Variants in CELSR1 observed in about 807,000 individuals in gnomAD.
The protein encoded by CELSR1 is cadherin EGF LAG seven-pass G-type receptor 1, also known as adhesion G protein-coupled receptor C1.
In CELSR1, 110 loss-of-function variants were observed where a neutral mutation model predicts 249.1. The observed-to-expected ratio is 0.44, with a 90% confidence interval of 0.38 to 0.52. CELSR1 has a LOEUF of 0.52. Among genes scored for constraint, CELSR1 ranks in the 20% least tolerant of loss-of-function variants. The pLI is 0.00. For missense variants in CELSR1, 4,109 were observed against 4,296.4 expected (o/e 0.96, Z 1.22); for synonymous variants, 2,113 against 1,900.0 (o/e 1.11, Z -2.92).
At position 46,399,302 on chromosome 22, in the gene CELSR1, G is replaced by A. The variant is rs562829389; in HGVS notation, c.5412+415C>T. Among the ~76,000 whole-genome samples, 9 of 152,308 alleles carry A rather than the reference G, an allele frequency of 5.9e-5. No homozygotes were observed. The South Asian group carries it at 1.9e-3, about 32-fold the overall frequency. ...CCTGGTGTCTCACAGGCCTGTCCAG[G>A]ACCTGGGTCTCACTGCTCTCCCAGT... On this transcript the variant is annotated intron_variant, in intron 10 of 34. Coordinates refer to ENST00000674500, the MANE Select transcript of CELSR1 (RefSeq NM_001378328.1). This position sits in a 1 kb window ranked among gnomAD's most constrained non-coding sequence, Gnocchi z 5.0.
chr22:46,411,819 C>A lies in CELSR1; in HGVS notation c.4612-60G>T, dbSNP rs1011513360. ...TTTCTCCACCAGTGCCCTCAGCAGG[C>A]GCACCTGTCACTCATAGAGCGAGGA... On this transcript the variant is annotated intron_variant, in intron 5 of 34. Transcript: ENST00000674500. This position sits in a 1 kb window ranked among gnomAD's most constrained non-coding sequence, Gnocchi z 4.2. The A allele has an allele frequency of 3.1e-6, 5 of 1,602,060 alleles. No individual in the cohort carries two copies. In the Admixed American group the frequency reaches 6.7e-5, roughly 21 times the overall value.
At chr22:46,425,672 C>T (rs561074192) in intron 5 of CELSR1, among the ~76,000 whole-genome samples, 34 of 151,732 alleles carry the variant, frequency 2.2e-4, no homozygotes, top group African/African-American at 7.0e-4. Flanking sequence ...TTATCAGTCA[C>T]GCTAGAAGTT....
rs1406511455 is a variant in CELSR1 at position 46,464,525 on chromosome 22, C to G, written c.3545-180G>C. Among the ~76,000 whole-genome samples the G allele has an allele frequency of 6.6e-6, 1 of 150,720 alleles. No homozygotes were observed. Among genetic ancestry groups the G allele is most frequent in the Non-Finnish European group, 1.5e-5 (1 of 67,594 alleles). On this transcript the variant is annotated intron_variant, in intron 1 of 34. Coordinates refer to ENST00000674500, the MANE Select transcript of CELSR1 (RefSeq NM_001378328.1). This position sits in a 1 kb window ranked among gnomAD's most constrained non-coding sequence, Gnocchi z 8.5. ...ACCCTTCCTCCTTCAGCACCCTGGCCCCTGCCCCCCATGACCACCACCTTG... is the reference window on the plus strand; with the variant it reads ...ACCCTTCCTCCTTCAGCACCCTGGCGCCTGCCCCCCATGACCACCACCTTG...
chr22:46,471,088 G>A lies in CELSR1; in HGVS notation c.3545-6743C>T, dbSNP rs2080151077. 6.6e-6 allele frequency among the ~76,000 whole-genome samples: 1 copy of A among 151,984 alleles called. No individual in the cohort carries two copies. The highest frequency in any genetic ancestry group is 2.4e-5 in the African/African-American group (1 of 41,390). On this transcript the variant is annotated intron_variant, in intron 1 of 34. Transcript: ENST00000674500. The surrounding 1 kb of genome is among the most constrained non-coding windows in gnomAD (Gnocchi z 4.9). ...TGCAGTGAGCCAAGATGGCACCACT[G>A]CACTCCAGCCTGGGCGACAGAGTGA...
intron 9 of CELSR1, among the ~76,000 whole-genome samples, chr22:46,404,178 G>A (rs1362982532): frequency 2.0e-5 from 3 of 151,958 alleles, no homozygotes; most frequent in African/African-American, 2.4e-5. Flanking sequence ...TTGGGAGATC[G>A]AGGCGGGTGG....
At position 46,500,129 on chromosome 22, in the gene CELSR1, C is replaced by A. The variant is rs2080452222; in HGVS notation, c.3544+33498G>T. Among the ~76,000 whole-genome samples, 1 of 148,892 alleles carries A rather than the reference C, an allele frequency of 6.7e-6. No individual in the cohort carries two copies. The highest frequency in any genetic ancestry group is 1.5e-5 in the Non-Finnish European group (1 of 67,792). On this transcript the variant is annotated intron_variant, in intron 1 of 34. Coordinates refer to ENST00000674500, the MANE Select transcript of CELSR1 (RefSeq NM_001378328.1). The surrounding 1 kb of genome is among the most constrained non-coding windows in gnomAD (Gnocchi z 4.9). ...CTCCCAGCATGATCCCACCCCAGCCCCTGGTCCTCCCAGCATGATCCCACC... is the reference window on the plus strand; with the variant it reads ...CTCCCAGCATGATCCCACCCCAGCCACTGGTCCTCCCAGCATGATCCCACC...
intron 23 of CELSR1, among the ~76,000 whole-genome samples, chr22:46,378,309 G>A (rs2078940316): frequency 6.6e-6 from 1 of 152,166 alleles, no homozygotes; most frequent in South Asian, 2.1e-4. Context: ...TGCCATTCCG[G>A]GGTTTAATAC....
rs773952913 is a variant in CELSR1, at chr22:46,364,548, T to C, written c.8743A>G (p.Arg2915Gly). 1 of 1,612,000 alleles carries C rather than the reference T, an allele frequency of 6.2e-7. No homozygotes were observed. Among genetic ancestry groups the C allele is most frequent in the East Asian group, 2.2e-5 (1 of 44,868 alleles). Residue 2915 changes from arginine to glycine, a missense_variant, in exon 33 of 35, where the codon AGG becomes GGG. This residue lies in a region of CELSR1 where 1,805 missense variants were observed against 1,831.6 expected (regional missense o/e 0.99). Coordinates refer to ENST00000674500, the MANE Select transcript of CELSR1 (RefSeq NM_001378328.1). ...PPDQESGGAA[R>G]LASSQPPEQR... is the part of the protein sequence containing the mutation. ...TCTGGGGGCTGGCTGCTAGCAAGCC[T>C]GGCTGCGCCCCCGCTCTCCTGGTCC...
intron 19 of CELSR1, among the ~76,000 whole-genome samples, 189 bp from the exon 20 acceptor site, chr22:46,384,875 C>T (rs986570959): frequency 2.0e-4 from 27 of 138,116 alleles, no homozygotes; most frequent in Admixed American, 1.6e-3. Flanking sequence ...CTGCAACCTC[C>T]GCCTCCCAGA....
chr22:46,438,725 T>C (rs1455423242), intron 3 of CELSR1, among the ~76,000 whole-genome samples: 3 of 151,794 alleles, frequency 2.0e-5, no homozygotes, highest in Non-Finnish European at 4.4e-5. Flanking sequence ...GAGAAGTGGG[T>C]TAAGGGGTAC....
At chr22:46,467,931 T>G (rs992142586) in intron 1 of CELSR1, among the ~76,000 whole-genome samples, 2 of 152,156 alleles carry the variant, frequency 1.3e-5, no homozygotes, top group African/African-American at 4.8e-5. Context: ...CTGCTCATTT[T>G]GTGTTACTCA....
rs760434104 is a variant in CELSR1 at position 46,369,785 on chromosome 22, G to A, written c.7779C>T (p.Asp2593=). The A allele has an allele frequency of 1.2e-6, 2 of 1,613,122 alleles. No homozygotes were observed. The highest frequency in any genetic ancestry group is 4.5e-5 in the East Asian group (2 of 44,886). ...AIVTGLAVGL[D]PQGYGNPDFC... ...AGTCGGGGTTCCCGTAGCCCTGGGGGTCCAGGCCGACCGCCAGTCCTGAAC... is the reference window on the plus strand; with the variant it reads ...AGTCGGGGTTCCCGTAGCCCTGGGGATCCAGGCCGACCGCCAGTCCTGAAC... Residue 2593 remains aspartate, a synonymous_variant, in exon 26 of 35, where the codon GAC becomes GAT. Coordinates refer to ENST00000674500, the MANE Select transcript of CELSR1 (RefSeq NM_001378328.1).
At chr22:46,394,323 A>G in intron 13 of CELSR1, 61 bp from the exon 14 acceptor site, 1 of 1,552,478 alleles carries the variant, frequency 6.4e-7, no homozygotes, top group South Asian at 1.2e-5. Context: ...TGGAATGAGA[A>G]GAGGCCTGCA....
chr22:46,452,017 A>AG (rs1555920477), intron 2 of CELSR1, among the ~76,000 whole-genome samples: 1 of 152,146 alleles, frequency 6.6e-6, no homozygotes, highest in Non-Finnish European at 1.5e-5. Context: ...CCGGGGAGGC[A>AG]GGGGGGCTCC....
intron 1 of CELSR1, among the ~76,000 whole-genome samples, chr22:46,469,988 G>GA (rs2080138205): frequency 7.3e-6 from 1 of 136,304 alleles, no homozygotes; most frequent in African/African-American, 2.7e-5. Flanking sequence ...AGGAGGAGGG[G>GA]AGGGAGGGAG....
intron 19 of CELSR1, 23 bp downstream of exon 19, chr22:46,386,379 C>A: frequency 1.3e-6 from 2 of 1,522,902 alleles, no homozygotes; most frequent in Non-Finnish European, 1.8e-6. Flanking sequence ...AGGGTTCCAC[C>A]CCCAACGCAG....
chr22:46,536,099 A>G lies in CELSR1; in HGVS notation c.1072T>C (p.Tyr358His). 3.1e-6 allele frequency: 5 copies of G among 1,612,196 alleles called. No individual in the cohort carries two copies. Among genetic ancestry groups the G allele is most frequent in the Non-Finnish European group, 4.2e-6 (5 of 1,179,988 alleles). Residue 358 changes from tyrosine to histidine, a missense_variant, in exon 1 of 35, where the codon TAC (tyrosine) becomes CAC (histidine). By Grantham distance (83) the Tyr-to-His change is moderately conservative. This residue lies in a region of CELSR1 where 673 missense variants were observed against 636.8 expected (regional missense o/e 1.06). Transcript: ENST00000674500. Reference protein sequence around the residue: ...DHSPVFEQSEYRERVRENLEV... With the variant: ...DHSPVFEQSEHRERVRENLEV... ...AGGTTCTCCCGCACGCGCTCGCGGTACTCCGACTGCTCGAAGACCGGGCTG... is the reference window on the plus strand; with the variant it reads ...AGGTTCTCCCGCACGCGCTCGCGGTGCTCCGACTGCTCGAAGACCGGGCTG...
Position 46,468,357 on chromosome 22 carries a change from G to A in CELSR1, c.3545-4012C>T, listed in dbSNP as rs1401054145. ...GCCAAGATCATACCACTGCACTCCA[G>A]CCTGGGCAACAAAGCAAGACTCTGT... On this transcript the variant is annotated intron_variant, in intron 1 of 34. Transcript: ENST00000674500. The surrounding 1 kb of genome is among the most constrained non-coding windows in gnomAD (Gnocchi z 4.5). Among the ~76,000 whole-genome samples the A allele has an allele frequency of 1.4e-5, 2 of 147,694 alleles. No individual in the cohort carries two copies. Among genetic ancestry groups the A allele is most frequent in the Non-Finnish European group, 3.0e-5 (2 of 67,558 alleles).
At chr22:46,453,666 G>A (rs2079912288) in intron 2 of CELSR1, among the ~76,000 whole-genome samples, 1 of 152,206 alleles carries the variant, frequency 6.6e-6, no homozygotes, top group Non-Finnish European at 1.5e-5. Flanking sequence ...GGGTGAGAGA[G>A]CAGAGAACAC....
Sources: allele counts gnomAD v4.1 joint callset (sites outside exome capture counted in the v4.1 genomes callset), GRCh38; gene constraint gnomAD v4.1.1; regional missense constraint gnomAD v4.1.1; non-coding constraint Gnocchi (gnomAD v3.1); transcripts MANE v1.5; gene names NCBI Gene and HGNC (gene_info 2026-07-23, HGNC 2026-07-21).